The following GABRB1 variants were observed in gnomAD, a reference collection of about 807,000 sequenced individuals.
GABRB1 encodes the protein gamma-aminobutyric acid type A receptor subunit beta1, also known as gamma-aminobutyric acid receptor subunit beta-1.
Under a neutral mutation model 51.6 loss-of-function variants are expected in GABRB1, and 17 were observed. The observed-to-expected ratio is 0.33, with a 90% CI of 0.23 to 0.49. The LOEUF (loss-of-function observed/expected upper bound fraction) is 0.49. Among genes scored for constraint, GABRB1 ranks in the 20% least tolerant of loss-of-function variants. The pLI, the probability that GABRB1 is intolerant of heterozygous loss-of-function variation, is 0.99. For synonymous variants in GABRB1, 247 were observed against 218.9 expected (o/e 1.13, Z -1.14); for missense variants, 410 against 600.6 (o/e 0.68, Z 3.32).
intron 5 of GABRB1, among the ~76,000 whole-genome samples, chr4:47,399,100 T>C (rs1728292478): frequency 1.3e-5 from 2 of 152,238 alleles, no homozygotes; most frequent in Non-Finnish European, 2.9e-5. Flanking sequence ...CTTTCTCATA[T>C]TTATTGAATA....
intron 3 of GABRB1, among the ~76,000 whole-genome samples, chr4:47,131,509 T>G (rs931710060): frequency 1.3e-5 from 2 of 152,166 alleles, no homozygotes; most frequent in African/African-American, 4.8e-5. Context: ...TTGTATTAGG[T>G]TGGTGCAAAA....
intron 5 of GABRB1, among the ~76,000 whole-genome samples, chr4:47,371,450 C>A (rs955548960): frequency 6.6e-6 from 1 of 152,146 alleles, no homozygotes; most frequent in Non-Finnish European, 1.5e-5. Flanking sequence ...TGAGTATATA[C>A]CCAGTAATGG....
intron 5 of GABRB1, among the ~76,000 whole-genome samples, chr4:47,360,121 A>T (rs542529249): frequency 5.6e-4 from 45 of 80,486 alleles, no homozygotes; most frequent in African/African-American, 1.4e-3. Context: ...GGAAAGCTTT[A>T]AAAAAAAAAA....
At chr4:47,364,104 A>G (rs1726895744) in intron 5 of GABRB1, among the ~76,000 whole-genome samples, 1 of 152,240 alleles carries the variant, frequency 6.6e-6, no homozygotes, top group Non-Finnish European at 1.5e-5. Context: ...TGCATCAGAG[A>G]CACAATATAA....
chr4:47,187,753 C>T (rs1385564002), intron 4 of GABRB1, among the ~76,000 whole-genome samples: 1 of 151,854 alleles, frequency 6.6e-6, no homozygotes, highest in Non-Finnish European at 1.5e-5. Flanking sequence ...CAGGGTAGCT[C>T]CCAAACCTCA....
chr4:47,247,714 C>T (rs1005357868), intron 4 of GABRB1, among the ~76,000 whole-genome samples: 1 of 151,822 alleles, frequency 6.6e-6, no homozygotes, highest in African/African-American at 2.4e-5. Context: ...TTGTAGTTTT[C>T]CTTGTAGACG....
At chr4:47,029,183 G>T (rs1039816014), upstream of GABRB1, among the ~76,000 whole-genome samples, 1 of 151,792 alleles carries the variant, frequency 6.6e-6, no homozygotes, top group African/African-American at 2.4e-5. Context: ...TATCACTAGG[G>T]TATATTCTGA....
chr4:47,074,298 A>G (rs1348422587), intron 3 of GABRB1, among the ~76,000 whole-genome samples: 1 of 152,230 alleles, frequency 6.6e-6, no homozygotes, highest in East Asian at 1.9e-4. Context: ...CTCGTATCTA[A>G]GAGTGACGTA....
chr4:47,072,922 C>T (rs1013445218), intron 3 of GABRB1, among the ~76,000 whole-genome samples: 1 of 152,142 alleles, frequency 6.6e-6, no homozygotes, highest in South Asian at 2.1e-4. Context: ...GACAATGTCA[C>T]CATTATTTAG....
intron 5 of GABRB1, among the ~76,000 whole-genome samples, chr4:47,352,418 A>G (rs1309497437): frequency 2.6e-5 from 4 of 152,214 alleles, no homozygotes; most frequent in Non-Finnish European, 5.9e-5. Context: ...TCATTTTATG[A>G]GGCCAGCATC....
At chr4:47,278,320 C>T (rs946893682) in intron 4 of GABRB1, among the ~76,000 whole-genome samples, 2 of 152,102 alleles carry the variant, frequency 1.3e-5, no homozygotes, top group African/African-American at 4.8e-5. Context: ...TTGCCAATTA[C>T]GTTACAATGG....
intron 5 of GABRB1, among the ~76,000 whole-genome samples, chr4:47,402,359 G>C (rs1728424182): frequency 6.6e-6 from 1 of 152,138 alleles, no homozygotes; most frequent in African/African-American, 2.4e-5. Flanking sequence ...TGGAAAAAAA[G>C]ATTTTTTGCT....
intron 1 of GABRB1, among the ~76,000 whole-genome samples, chr4:47,011,363 G>A (rs567844451): frequency 2.4e-4 from 37 of 152,184 alleles, no homozygotes; most frequent in African/African-American, 7.9e-4. Flanking sequence ...CTGTCTGGGC[G>A]GCAACTACAG....
At chr4:47,305,064 G>A (rs1313609432) in intron 4 of GABRB1, among the ~76,000 whole-genome samples, 2 of 151,974 alleles carry the variant, frequency 1.3e-5, no homozygotes, top group South Asian at 4.2e-4. Context: ...TTTGTACTTC[G>A]AGGCCCTAAT....
At chr4:47,181,539 T>C (rs942087602) in intron 4 of GABRB1, among the ~76,000 whole-genome samples, 13 of 152,020 alleles carry the variant, frequency 8.6e-5, no homozygotes, top group Non-Finnish European at 1.9e-4. Flanking sequence ...CGTTCCATCA[T>C]TTAGTACCTC....
intron 4 of GABRB1, among the ~76,000 whole-genome samples, chr4:47,244,129 C>A (rs1721649414): frequency 6.6e-6 from 1 of 152,150 alleles, no homozygotes. Flanking sequence ...TTTTCTGCAT[C>A]TATTGAGATA....
chr4:47,195,850 T>A (rs1355699433), intron 4 of GABRB1, among the ~76,000 whole-genome samples: 1 of 152,252 alleles, frequency 6.6e-6, no homozygotes, highest in Non-Finnish European at 1.5e-5. Context: ...ACACTTTAGA[T>A]ACTTTGTCTA....
intron 5 of GABRB1, among the ~76,000 whole-genome samples, chr4:47,320,689 T>C (rs1725048866): frequency 6.6e-6 from 1 of 152,186 alleles, no homozygotes; most frequent in Admixed American, 6.5e-5. Flanking sequence ...TGCCAAAGAC[T>C]TAATGGTTTT....
chr4:47,210,771 T>C (rs1225792004), intron 4 of GABRB1, among the ~76,000 whole-genome samples: 1 of 152,104 alleles, frequency 6.6e-6, no homozygotes, highest in East Asian at 1.9e-4. Flanking sequence ...ATAGAGAAAA[T>C]GAACATAGTT....
Sources: gnomAD v4.1 joint callset for allele counts (sites outside exome capture counted in the v4.1 genomes callset) on GRCh38, gnomAD v4.1.1 for gene constraint, MANE v1.5 for transcripts, NCBI Gene and HGNC (gene_info 2026-07-23, HGNC 2026-07-21) for gene names.